STK40: variants seen among roughly 807,000 people sequenced by gnomAD.
STK40 encodes the protein serine/threonine-protein kinase 40.
STK40 carries 13 observed loss-of-function variants against 47.9 expected under a neutral mutation model. The ratio of observed to expected loss-of-function variants is 0.27; its 90% CI spans 0.18 to 0.43. The LOEUF (loss-of-function observed/expected upper bound fraction) is 0.43, where lower values mean the gene tolerates loss of function less well. Ranked by LOEUF, STK40 falls within the 20% of genes least tolerant of loss-of-function variation. STK40 has a pLI of 1.00. For missense variants in STK40, 460 were observed against 595.1 expected, an observed-to-expected ratio of 0.77 and a Z score of 2.36; for synonymous variants, 225 against 243.2, an observed-to-expected ratio of 0.93 and a Z score of 0.69.
chr1:36,360,730 A>T (rs1646844876), intron 2 of STK40, among the ~76,000 whole-genome samples: 1 of 152,028 alleles, frequency 6.6e-6, no homozygotes, highest in African/African-American at 2.4e-5. Context: ...TAGAGATGGG[A>T]TCTCACTATG....
chr1:36,354,300 G>C, intron 6 of STK40, 64 bp downstream of exon 6: 4 of 1,568,804 alleles, frequency 2.5e-6, no homozygotes, highest in Non-Finnish European at 3.5e-6. Context: ...GCACTGGAGA[G>C]TTGCAATGTG....
At chr1:36,349,933 G>T (rs1283946523) in intron 6 of STK40, among the ~76,000 whole-genome samples, 2 of 152,192 alleles carry the variant, frequency 1.3e-5, no homozygotes, top group Non-Finnish European at 2.9e-5. Context: ...AGGAAGGAGA[G>T]CTCCATGGGG....
rs1042131676 is a variant in STK40, at chr1:36,354,346, T to C, written c.623+18A>G. Reference sequence around the variant, plus strand: ...CAGCCCCGGGGTAACTGTATGGATGTAGAGACAGGGATCTTACCTCTTGTT... The same window carrying C: ...CAGCCCCGGGGTAACTGTATGGATGCAGAGACAGGGATCTTACCTCTTGTT... On this transcript the variant is annotated intron_variant, in intron 6 of 10. Transcript: ENST00000373132. 19 of 1,613,800 alleles carry C rather than the reference T, an allele frequency of 1.2e-5. No individual in the cohort carries two copies. The highest frequency in any genetic ancestry group is 3.3e-4 in the Middle Eastern group (2 of 6,062).
chr1:36,342,236 C>T (rs528669826), intron 10 of STK40: 63 of 501,264 alleles, frequency 1.3e-4, no homozygotes, highest in African/African-American at 8.1e-4. Flanking sequence ...TCACTGGCTG[C>T]GTGAGAGGTC....
intron 1 of STK40, among the ~76,000 whole-genome samples, chr1:36,375,595 T>G (rs1443342059): frequency 6.6e-6 from 1 of 152,182 alleles, no homozygotes; most frequent in Non-Finnish European, 1.5e-5. Context: ...AGGCCAGACC[T>G]AGGTGCTGCG....
At chr1:36,361,856 G>A (rs1013248372) in intron 1 of STK40, among the ~76,000 whole-genome samples, 4 of 152,094 alleles carry the variant, frequency 2.6e-5, no homozygotes, top group African/African-American at 7.2e-5. Flanking sequence ...CTTGTTACAC[G>A]AGGCCTGGGG....
chr1:36,356,743 A>G (rs1364507079), intron 4 of STK40, among the ~76,000 whole-genome samples: 1 of 152,080 alleles, frequency 6.6e-6, no homozygotes, highest in Admixed American at 6.6e-5. Context: ...TCTTCTTAAG[A>G]GCAGGACCAC....
At position 36,341,661 on chromosome 1, in the gene STK40, A is replaced by T; in HGVS notation, c.*94T>A. 1 of 1,471,192 alleles carries T rather than the reference A, an allele frequency of 6.8e-7. No individual in the cohort carries two copies. Among genetic ancestry groups the T allele is most frequent in the Non-Finnish European group, 9.3e-7 (1 of 1,074,470 alleles). 91.1% of individuals were successfully genotyped at this position (1,471,192 alleles called of 1,614,324 possible). The stretch of plus-strand genomic sequence containing the variant: ...TGCCCTGTCCCTATTGTGGCCCGGG[A>T]GAGTCCAGCACTACAGGGCCCAGCC... On this transcript the variant is annotated 3_prime_UTR_variant, in exon 11 of 11. Transcript: ENST00000373132.
chr1:36,355,479 G>A (rs963726814), intron 4 of STK40, 46 bp from the exon 5 acceptor site: 2 of 1,596,676 alleles, frequency 1.3e-6, no homozygotes, highest in Admixed American at 3.3e-5. Flanking sequence ...GAACTTGGCA[G>A]GGCCAAGGCC....
In STK40 at chr1:36,341,991, T is replaced by C. The variant is rs949929917; in HGVS notation, c.1090-18A>G. The C allele has an allele frequency of 6.3e-7, 1 of 1,599,774 alleles. No homozygotes were observed. Among genetic ancestry groups the C allele is most frequent in the East Asian group, 2.3e-5 (1 of 44,232 alleles). On this transcript the variant is annotated intron_variant, in intron 10 of 10. Transcript: ENST00000373132. ...ACCTTCGCCTTTGAGGCGGGGAGGG[T>C]GGGAAGGAGACAAAGATAAACCCAG...
At chr1:36,358,604 C>G in intron 3 of STK40, 133 bp downstream of exon 3, 2 of 1,156,242 alleles carry the variant, frequency 1.7e-6, no homozygotes, top group Non-Finnish European at 2.4e-6. Context: ...AGACTGTGAA[C>G]TTGATTGCTT....
At chr1:36,357,709 C>T (rs192940092) in intron 4 of STK40, among the ~76,000 whole-genome samples, 18 of 152,276 alleles carry the variant, frequency 1.2e-4, no homozygotes, top group African/African-American at 3.8e-4. Context: ...CTCCACCTCC[C>T]GGGCTCAAGC....
rs775342915 is a variant in STK40, at chr1:36,358,604, C to T, written c.198+133G>A. 7.8e-6 allele frequency: 9 copies of T among 1,156,124 alleles called. No homozygotes were observed. In the African/African-American group the frequency reaches 1.4e-4, roughly 18 times the overall value. The allele number at this position is 1,156,124 out of a possible 1,614,324, so 71.6% of individuals were successfully genotyped here. A position where few individuals can be genotyped will look rare whatever the true frequency, so the allele number is the denominator to read the frequency against. On this transcript the variant is annotated intron_variant, in intron 3 of 10. Coordinates refer to ENST00000373132, the MANE Select transcript of STK40 (RefSeq NM_001282547.2). ...AAGTTGTTCTGAGGGAGACTGTGAA[C>T]TTGATTGCTTCTCGGGAAGAAATGG...
chr1:36,349,850 C>T (rs1646735291), intron 6 of STK40, among the ~76,000 whole-genome samples: 1 of 152,182 alleles, frequency 6.6e-6, no homozygotes, highest in Non-Finnish European at 1.5e-5. Context: ...AAGGATGCCT[C>T]TCTACCCAAC....
At chr1:36,355,469 G>C in intron 4 of STK40, 36 bp from the exon 5 acceptor site, 1 of 1,609,524 alleles carries the variant, frequency 6.2e-7, no homozygotes, top group African/African-American at 1.3e-5. Flanking sequence ...GCTTGGCTGT[G>C]AACTTGGCAG....
At chr1:36,362,223 T>C (rs955297378) in intron 1 of STK40, among the ~76,000 whole-genome samples, 2 of 150,682 alleles carry the variant, frequency 1.3e-5, no homozygotes, top group Non-Finnish European at 1.5e-5. Flanking sequence ...AAAAGAGGAG[T>C]TGTCTCTTCC....
chr1:36,370,953 T>C (rs1265630966), intron 1 of STK40, among the ~76,000 whole-genome samples: 1 of 151,696 alleles, frequency 6.6e-6, no homozygotes, highest in Non-Finnish European at 1.5e-5. Context: ...GTCGGCTCAC[T>C]GCAACCTCCG....
chr1:36,375,297 A>G (rs979208479), intron 1 of STK40, among the ~76,000 whole-genome samples: 3 of 152,172 alleles, frequency 2.0e-5, no homozygotes, highest in Non-Finnish European at 4.4e-5. Flanking sequence ...ACCTGAGGTC[A>G]GGAGTTTGAG....
In STK40 at chr1:36,339,817, A is replaced by C. The variant is rs1646628810; in HGVS notation, c.*1938T>G. ...CTTCACCAGGAATGTCATCAGACACATGGCTTGACCTTGGAAGGGCCCAGT... is the reference window on the plus strand; with the variant it reads ...CTTCACCAGGAATGTCATCAGACACCTGGCTTGACCTTGGAAGGGCCCAGT... On this transcript the variant is annotated 3_prime_UTR_variant, in exon 11 of 11. Coordinates refer to ENST00000373132, the MANE Select transcript of STK40 (RefSeq NM_001282547.2). The C allele has an allele frequency of 6.5e-6, 1 of 152,686 alleles. No homozygotes were observed. Among genetic ancestry groups the C allele is most frequent in the African/African-American group, 2.4e-5 (1 of 41,460 alleles). 9.5% of individuals were successfully genotyped at this position (152,686 alleles called of 1,614,324 possible).
Sources: allele counts gnomAD v4.1 joint callset (sites outside exome capture counted in the v4.1 genomes callset), GRCh38; gene constraint gnomAD v4.1.1; transcripts MANE v1.5; gene names NCBI Gene and HGNC (gene_info 2026-07-23, HGNC 2026-07-21).